Variants in GCNT1 observed in about 807,000 individuals in gnomAD.
GCNT1 encodes the protein glucosaminyl (N-acetyl) transferase 1.
GCNT1 carries 16 observed loss-of-function variants against 26.2 expected under a neutral mutation model. That is an observed-to-expected ratio of 0.61 (90% confidence interval 0.41 to 0.93). The LOEUF (loss-of-function observed/expected upper bound fraction) is 0.93. Among genes scored for constraint, GCNT1 ranks in the 40% least tolerant of loss-of-function variants. The probability of loss-of-function intolerance (pLI) is 0.00; values close to 1 mark genes in which losing one functional copy is unlikely to be tolerated. For missense variants in GCNT1, 477 were observed against 526.7 expected (o/e 0.91, Z 0.92); for synonymous variants, 183 against 190.8 (o/e 0.96, Z 0.34).
At chr9:76,481,336 A>T (rs1193781001) in intron 2 of GCNT1, among the ~76,000 whole-genome samples, 1 of 151,804 alleles carries the variant, frequency 6.6e-6, no homozygotes, top group Non-Finnish European at 1.5e-5. Context: ...AGCTTGTCCA[A>T]CTCACTGCCA....
upstream of GCNT1, among the ~76,000 whole-genome samples, chr9:76,418,975 A>C (rs1289193069): frequency 1.3e-5 from 2 of 152,172 alleles, no homozygotes; most frequent in Non-Finnish European, 2.9e-5. Context: ...GAAGAGCCTC[A>C]TCCTGTGCCT....
At position 76,467,912 on chromosome 9, in the gene GCNT1, T is replaced by G. The variant is rs528673020; in HGVS notation, c.-290+7735T>G. Among the ~76,000 whole-genome samples, 14 of 136,272 alleles carry G rather than the reference T, an allele frequency of 1.0e-4. No individual in the cohort carries two copies. The East Asian group carries it at 2.1e-3, about 20-fold the overall frequency. 89.4% of individuals were successfully genotyped at this position (136,272 alleles called of 152,430 possible). A position where few individuals can be genotyped will look rare whatever the true frequency, so the allele number is the denominator to read the frequency against. On this transcript the variant is annotated intron_variant, in intron 2 of 3. Transcript: ENST00000376730. ...CTCTTTCAGTGTTTTTTTTTTTTTT[T>G]TTTTTTTTTTTTTTGAGACAGTCTT...
At chr9:76,421,837 A>G (rs539863248) in intron 1 of GCNT1, among the ~76,000 whole-genome samples, 135 of 151,686 alleles carry the variant, frequency 8.9e-4, no homozygotes, top group African/African-American at 3.1e-3. Flanking sequence ...GGGACTACAC[A>G]TGCAAGCCAC....
chr9:76,463,409 G>A lies in GCNT1; in HGVS notation c.-290+3232G>A, dbSNP rs559194744. The stretch of plus-strand genomic sequence containing the variant: ...ATTCATAGCTAAGAGTAAGGTTGTG[G>A]TCACAAATGCAAATCTAAACCGTGA... On this transcript the variant is annotated intron_variant, in intron 2 of 3. Transcript: ENST00000376730. Among the ~76,000 whole-genome samples the A allele has an allele frequency of 2.0e-5, 3 of 152,196 alleles. No homozygotes were observed. In the South Asian group the frequency reaches 6.2e-4, roughly 31 times the overall value.
chr9:76,428,291 T>TAAAAAAAA (rs1564220598), intron 1 of GCNT1, among the ~76,000 whole-genome samples: 1 of 77,026 alleles, frequency 1.3e-5, no homozygotes, highest in African/African-American at 4.7e-5. Context: ...AAAAAAAAAC[T>TAAAAAAAA]TAAAAAAAAA....
intron 1 of GCNT1, among the ~76,000 whole-genome samples, chr9:76,427,801 A>G (rs2131574821): frequency 6.6e-6 from 1 of 152,304 alleles, no homozygotes; most frequent in East Asian, 1.9e-4. Flanking sequence ...ACCCTGGCCA[A>G]CATGGTGAAA....
chr9:76,413,668 G>GTTTTTTTTT, the GCNT1 span, among the ~76,000 whole-genome samples: 31 of 84,156 alleles, frequency 3.7e-4, no homozygotes, highest in East Asian at 1.8e-3. Context: ...TTTTTTTTTT[G>GTTTTTTTTT]TTTTTTTTTT....
the GCNT1 span, among the ~76,000 whole-genome samples, chr9:76,401,446 A>G: frequency 6.6e-6 from 1 of 152,304 alleles, no homozygotes; most frequent in African/African-American, 2.4e-5. Flanking sequence ...GTGTTATTTT[A>G]TAACCACAAA....
upstream of GCNT1, among the ~76,000 whole-genome samples, chr9:76,456,524 T>C (rs1823759994): frequency 6.6e-6 from 1 of 152,232 alleles, no homozygotes; most frequent in South Asian, 2.1e-4. Flanking sequence ...ACAATGTTTT[T>C]GCCTTGCCAA....
chr9:76,486,119 G>A (rs1414227457), intron 2 of GCNT1, among the ~76,000 whole-genome samples: 1 of 152,210 alleles, frequency 6.6e-6, no homozygotes, highest in African/African-American at 2.4e-5. Context: ...CTGCTTACTA[G>A]CCATATGACG....
At chr9:76,428,966 T>C (rs764130380) in intron 1 of GCNT1, among the ~76,000 whole-genome samples, 2 of 152,120 alleles carry the variant, frequency 1.3e-5, no homozygotes, top group Non-Finnish European at 2.9e-5. Context: ...TCCCAAAGTG[T>C]TGGGATTACA....
the GCNT1 span, chr9:76,399,297 A>T: frequency 3.5e-6 from 5 of 1,421,954 alleles, no homozygotes; most frequent in Non-Finnish European, 2.9e-6. Flanking sequence ...GTCATGCCTG[A>T]TCTCTACTTC....
At chr9:76,447,499 C>T (rs1168655202) in intron 1 of GCNT1, among the ~76,000 whole-genome samples, 1 of 152,152 alleles carries the variant, frequency 6.6e-6, no homozygotes, top group African/African-American at 2.4e-5. Flanking sequence ...GCTGCCTCAG[C>T]CTCCCAAAGT....
intron 2 of GCNT1, among the ~76,000 whole-genome samples, chr9:76,498,916 T>C (rs1824984778): frequency 6.6e-6 from 1 of 152,184 alleles, no homozygotes; most frequent in South Asian, 2.1e-4. Flanking sequence ...ATACTATAAA[T>C]TTGTCTGTAT....
chr9:76,467,897 G>GTTTT lies in GCNT1; in HGVS notation c.-290+7746_-290+7749dup, dbSNP rs35387152. On this transcript the variant is annotated intron_variant, in intron 2 of 3. Transcript: ENST00000376730. ...GAATGCCAGTGGTCCCTCTTTCAGT[G>GTTTT]TTTTTTTTTTTTTTTTTTTTTTTTT... is the stretch of plus-strand genomic sequence containing the variant. Among the ~76,000 whole-genome samples, 56 of 59,098 alleles carry GTTTT rather than the reference G, an allele frequency of 9.5e-4. 7 individuals carry two copies. Among genetic ancestry groups the GTTTT allele is most frequent in the Middle Eastern group, 0.015 (1 of 66 alleles). 38.8% of individuals were successfully genotyped at this position (59,098 alleles called of 152,430 possible).
chr9:76,474,767 G>A (rs537046515), intron 2 of GCNT1, among the ~76,000 whole-genome samples: 1 of 152,292 alleles, frequency 6.6e-6, no homozygotes, highest in South Asian at 2.1e-4. Flanking sequence ...TTTTATCCCA[G>A]TTGGCAATTT....
At chr9:76,420,324 G>A (rs1390499922) in intron 1 of GCNT1, 2 of 152,086 alleles carry the variant, frequency 1.3e-5, no homozygotes, top group Admixed American at 1.3e-4. Flanking sequence ...ACCCAAGCTG[G>A]AGTGCAGTGG....
upstream of GCNT1, among the ~76,000 whole-genome samples, chr9:76,414,908 G>A (rs1823119656): frequency 1.3e-5 from 2 of 152,146 alleles, no homozygotes; most frequent in Admixed American, 1.3e-4. Flanking sequence ...CTGTGAATAA[G>A]AATGCCTAAC....
chr9:76,417,304 A>G (rs1823141606), upstream of GCNT1, among the ~76,000 whole-genome samples: 1 of 152,210 alleles, frequency 6.6e-6, no homozygotes, highest in Non-Finnish European at 1.5e-5. Flanking sequence ...ATTCAACAAA[A>G]TGTGCCCTAG....
Sources: allele counts gnomAD v4.1 joint callset (sites outside exome capture counted in the v4.1 genomes callset), GRCh38; gene constraint gnomAD v4.1.1; transcripts MANE v1.5; gene names NCBI Gene and HGNC (gene_info 2026-07-23, HGNC 2026-07-21).